SVEP1: variants seen among roughly 807,000 people sequenced by gnomAD.
The protein encoded by SVEP1 is sushi, von Willebrand factor type A, EGF and pentraxin domain containing 1, also known as sushi, von Willebrand factor type A, EGF and pentraxin domain-containing protein 1.
SVEP1 carries 164 observed loss-of-function variants against 367.3 expected under a neutral mutation model. The ratio of observed to expected loss-of-function variants is 0.45; its 90% CI spans 0.39 to 0.51. The LOEUF is 0.51. Ranked by LOEUF, SVEP1 falls within the 20% of genes least tolerant of loss-of-function variation. SVEP1 has a pLI of 0.00. For synonymous variants in SVEP1, 1,666 were observed against 1,611.6 expected (o/e 1.03, Z -0.81); for missense variants, 4,117 against 4,425.3 (o/e 0.93, Z 1.98).
intron 26 of SVEP1, among the ~76,000 whole-genome samples, chr9:110,445,133 A>C (rs1254562960): frequency 6.6e-6 from 1 of 152,208 alleles, no homozygotes; most frequent in Admixed American, 6.5e-5. Context: ...AGGATTTCAC[A>C]TGTTTAAAAA....
chr9:110,489,587 A>T, intron 9 of SVEP1, 63 bp downstream of exon 9: 1 of 1,522,722 alleles, frequency 6.6e-7, no homozygotes, highest in Non-Finnish European at 8.9e-7. Flanking sequence ...ACACATGGGA[A>T]TTATGGGAGC....
intron 3 of SVEP1, among the ~76,000 whole-genome samples, chr9:110,520,549 T>C (rs1588090824): frequency 1.3e-5 from 2 of 152,316 alleles, no homozygotes; most frequent in South Asian, 2.1e-4. Flanking sequence ...GTACTAACAT[T>C]AGATTTTTCT....
chr9:110,444,382 G>A (rs1158352290), intron 26 of SVEP1, among the ~76,000 whole-genome samples: 1 of 152,180 alleles, frequency 6.6e-6, no homozygotes, highest in Non-Finnish European at 1.5e-5. Flanking sequence ...CACTAACTAT[G>A]CTGGCACCTT....
At chr9:110,465,144 C>T (rs1052083969) in intron 18 of SVEP1, among the ~76,000 whole-genome samples, 3 of 151,978 alleles carry the variant, frequency 2.0e-5, no homozygotes, top group Non-Finnish European at 4.4e-5. Context: ...AATATGAATT[C>T]TCAGACCCCT....
chr9:110,542,924 C>T (rs866586480), intron 3 of SVEP1, among the ~76,000 whole-genome samples: 2 of 150,146 alleles, frequency 1.3e-5, no homozygotes, highest in Non-Finnish European at 1.5e-5. Context: ...TGTAACAAAC[C>T]TGCACGTTGT....
chr9:110,575,281 G>C (rs1830613862), intron 1 of SVEP1, among the ~76,000 whole-genome samples: 1 of 152,090 alleles, frequency 6.6e-6, no homozygotes, highest in Non-Finnish European at 1.5e-5. Context: ...AGGTCTTGAG[G>C]GGAGCACTGT....
chr9:110,450,319 A>T (rs1317012352), intron 23 of SVEP1, 59 bp from the exon 24 acceptor site: 2 of 1,533,532 alleles, frequency 1.3e-6, no homozygotes, highest in African/African-American at 1.4e-5. Flanking sequence ...GAACACTGTA[A>T]CTAAAGTGTT....
chr9:110,374,067 G>C (rs150423029), intron 46 of SVEP1, among the ~76,000 whole-genome samples: 1 of 152,184 alleles, frequency 6.6e-6, no homozygotes, highest in Non-Finnish European at 1.5e-5. Flanking sequence ...CTTGTGTCAT[G>C]GGAGTTTGTT....
intron 43 of SVEP1, among the ~76,000 whole-genome samples, chr9:110,380,933 TAGGAATTTATCCAAGGGTGCATGTGTCC>T (rs1827424617): frequency 6.6e-6 from 1 of 152,102 alleles, no homozygotes; most frequent in African/African-American, 2.4e-5. Context: ...TATATCTGTC[TAGGAATTTATCCAAGGGTGCATGTGTCC>T]AGGAATTTAT....
chr9:110,366,762 G>A (rs375023332), intron 47 of SVEP1, among the ~76,000 whole-genome samples: 2 of 152,174 alleles, frequency 1.3e-5, no homozygotes, highest in African/African-American at 4.8e-5. Context: ...GGAAAGATCT[G>A]AGAAGCATCA....
At chr9:110,393,003 T>C (rs141782509) in intron 40 of SVEP1, among the ~76,000 whole-genome samples, 61 of 152,350 alleles carry the variant, frequency 4.0e-4, no homozygotes, top group African/African-American at 9.6e-4. Flanking sequence ...ATCAATATTT[T>C]AAAAACTTTC....
At chr9:110,427,033 G>A (rs1464107829) in intron 36 of SVEP1, among the ~76,000 whole-genome samples, 1 of 152,104 alleles carries the variant, frequency 6.6e-6, no homozygotes, top group African/African-American at 2.4e-5. Flanking sequence ...ATAAGGCTGG[G>A]TGCAGTGGCT....
At chr9:110,383,700 G>A (rs1289763526) in intron 43 of SVEP1, among the ~76,000 whole-genome samples, 2 of 152,200 alleles carry the variant, frequency 1.3e-5, no homozygotes, top group Non-Finnish European at 2.9e-5. Flanking sequence ...GAGCCAGCAG[G>A]GGAAGGACTA....
chr9:110,494,831 C>T (rs1271535328), intron 8 of SVEP1, among the ~76,000 whole-genome samples: 1 of 151,864 alleles, frequency 6.6e-6, no homozygotes, highest in Non-Finnish European at 1.5e-5. Context: ...ATAAAGAAAC[C>T]CAATTATTTA....
chr9:110,537,051 A>G (rs1020877679), intron 3 of SVEP1, among the ~76,000 whole-genome samples: 2 of 151,972 alleles, frequency 1.3e-5, no homozygotes, highest in African/African-American at 4.8e-5. Context: ...AATTTCAATA[A>G]AGATGTAAAG....
At chr9:110,487,522 T>C (rs1248834456) in intron 9 of SVEP1, among the ~76,000 whole-genome samples, 1 of 152,236 alleles carries the variant, frequency 6.6e-6, no homozygotes, top group Non-Finnish European at 1.5e-5. Flanking sequence ...TTACTGGATT[T>C]CTTTCATCTA....
At chr9:110,482,255 T>C (rs774390718) in intron 11 of SVEP1, 106 bp downstream of exon 11, 16 of 1,265,010 alleles carry the variant, frequency 1.3e-5, no homozygotes, top group Middle Eastern at 2.9e-4. Context: ...CTTCTAACTG[T>C]AAAAATCTAA....
intron 2 of SVEP1, among the ~76,000 whole-genome samples, chr9:110,548,878 T>C (rs907460001): frequency 6.6e-6 from 1 of 152,198 alleles, no homozygotes; most frequent in Non-Finnish European, 1.5e-5. Flanking sequence ...ATTCTAGCAC[T>C]TTGGGAGGCC....
intron 3 of SVEP1, among the ~76,000 whole-genome samples, chr9:110,538,600 C>T (rs779109624): frequency 1.6e-4 from 24 of 152,028 alleles, no homozygotes; most frequent in Admixed American, 1.6e-3. Flanking sequence ...GTTTCTATTT[C>T]GATAGTGTTT....
Sources: allele counts gnomAD v4.1 joint callset (sites outside exome capture counted in the v4.1 genomes callset), GRCh38; gene constraint gnomAD v4.1.1; transcripts MANE v1.5; gene names NCBI Gene and HGNC (gene_info 2026-07-23, HGNC 2026-07-21).